Variants in KCNMB2 observed in about 807,000 individuals in gnomAD.
KCNMB2 encodes potassium calcium-activated channel subfamily M regulatory beta subunit 2.
A neutral mutation model predicts 24.5 loss-of-function variants in KCNMB2; 9 were observed. The observed-to-expected ratio is 0.37, with a 90% CI of 0.22 to 0.64. KCNMB2 has a LOEUF of 0.64. KCNMB2 is among the 30% of genes least tolerant of loss of function. The probability of loss-of-function intolerance (pLI) is 0.63; values close to 1 mark genes in which losing one functional copy is unlikely to be tolerated. For missense variants in KCNMB2, 226 were observed against 284.3 expected, an observed-to-expected ratio of 0.79 and a Z score of 1.47; for synonymous variants, 109 against 104.4, an observed-to-expected ratio of 1.04 and a Z score of -0.27.
chr3:178,610,093 T>C (rs1718428222), intron 1 of KCNMB2, among the ~76,000 whole-genome samples: 1 of 152,208 alleles, frequency 6.6e-6, no homozygotes, highest in South Asian at 2.1e-4. Flanking sequence ...TGTAGGTGTG[T>C]GGATTTGTTT....
At chr3:178,678,677 T>A (rs1364422254) in intron 1 of KCNMB2, among the ~76,000 whole-genome samples, 1 of 152,188 alleles carries the variant, frequency 6.6e-6, no homozygotes, top group African/African-American at 2.4e-5. Flanking sequence ...GATGCTGCTG[T>A]ATCCAAAAGA....
chr3:178,791,704 T>A (rs1455703882), intron 1 of KCNMB2, among the ~76,000 whole-genome samples: 1 of 151,674 alleles, frequency 6.6e-6, no homozygotes, highest in Admixed American at 6.6e-5. Flanking sequence ...CTTCCAAAGG[T>A]TAGGAATAAA....
chr3:178,748,006 G>A (rs188818237), intron 1 of KCNMB2, among the ~76,000 whole-genome samples: 27 of 152,326 alleles, frequency 1.8e-4, no homozygotes, highest in Admixed American at 1.6e-3. Context: ...ATTCAGCAAC[G>A]AAGGTTTTTA....
intron 1 of KCNMB2, among the ~76,000 whole-genome samples, chr3:178,684,325 G>A (rs987500046): frequency 7.0e-5 from 8 of 114,696 alleles, no homozygotes; most frequent in African/African-American, 2.7e-4. Flanking sequence ...ACAAAACAGT[G>A]GTTGCCAGGG....
intron 1 of KCNMB2, among the ~76,000 whole-genome samples, chr3:178,728,371 T>C (rs1050045123): frequency 1.3e-5 from 2 of 152,068 alleles, no homozygotes; most frequent in African/African-American, 4.8e-5. Flanking sequence ...TTGGGAAACA[T>C]GATGGGCCAA....
chr3:178,744,401 G>T (rs1271216698), intron 1 of KCNMB2, among the ~76,000 whole-genome samples: 1 of 152,198 alleles, frequency 6.6e-6, no homozygotes, highest in Non-Finnish European at 1.5e-5. Context: ...GTCATTGAAA[G>T]AAATAGTTAT....
intron 2 of KCNMB2, among the ~76,000 whole-genome samples, chr3:178,810,290 C>G (rs1463982947): frequency 4.6e-5 from 7 of 152,190 alleles, no homozygotes; most frequent in Non-Finnish European, 1.0e-4. Context: ...GTTCTGCAAA[C>G]CTGGCCTCTG....
chr3:178,679,348 A>C (rs1158302759), intron 1 of KCNMB2, among the ~76,000 whole-genome samples: 2 of 152,136 alleles, frequency 1.3e-5, no homozygotes, highest in Non-Finnish European at 2.9e-5. Flanking sequence ...ATCCTGCCTC[A>C]GCCTTCTGAG....
At chr3:178,754,177 T>TATAC (rs1435109631) in intron 1 of KCNMB2, among the ~76,000 whole-genome samples, 1,354 of 117,074 alleles carry the variant, frequency 0.012, 12 homozygotes, top group East Asian at 0.045. Flanking sequence ...TATATATATA[T>TATAC]ACACACACAC....
chr3:178,655,018 A>G (rs1577075414), intron 1 of KCNMB2, among the ~76,000 whole-genome samples: 1 of 152,098 alleles, frequency 6.6e-6, no homozygotes, highest in Non-Finnish European at 1.5e-5. Flanking sequence ...TACCTCAGAG[A>G]GCAGTCATGA....
intron 2 of KCNMB2, among the ~76,000 whole-genome samples, chr3:178,816,758 C>G (rs572959043): frequency 6.6e-6 from 1 of 152,136 alleles, no homozygotes; most frequent in South Asian, 2.1e-4. Flanking sequence ...TATGGTTTTA[C>G]TTTCTTCTGT....
intron 1 of KCNMB2, among the ~76,000 whole-genome samples, chr3:178,649,476 G>C (rs1181880518): frequency 2.7e-5 from 4 of 149,074 alleles, no homozygotes; most frequent in Non-Finnish European, 5.9e-5. Flanking sequence ...GGTAGAATTC[G>C]GCTGTGAACC....
At chr3:178,672,008 C>A (rs1183021406) in intron 1 of KCNMB2, among the ~76,000 whole-genome samples, 3 of 152,108 alleles carry the variant, frequency 2.0e-5, no homozygotes, top group Non-Finnish European at 4.4e-5. Context: ...ATTCTTTCAT[C>A]ATCTCTCACT....
intron 1 of KCNMB2, among the ~76,000 whole-genome samples, chr3:178,548,066 A>G (rs189607736): frequency 6.6e-6 from 1 of 152,344 alleles, no homozygotes; most frequent in South Asian, 2.1e-4. Flanking sequence ...ACAGACAAAT[A>G]AAGTCCCTTT....
chr3:178,618,930 A>C (rs1718811106), intron 1 of KCNMB2, among the ~76,000 whole-genome samples: 1 of 152,232 alleles, frequency 6.6e-6, no homozygotes, highest in South Asian at 2.1e-4. Context: ...AAGATAAAAA[A>C]ATTGGGACTA....
At chr3:178,776,152 CCATCCACT>C (rs527802887) in intron 1 of KCNMB2, among the ~76,000 whole-genome samples, 158 of 152,314 alleles carry the variant, frequency 1.0e-3, no homozygotes, top group African/African-American at 3.6e-3. Context: ...CCCAACAACT[CCATCCACT>C]CATCCACTCA....
At chr3:178,542,932 T>G (rs1057305313) in intron 1 of KCNMB2, among the ~76,000 whole-genome samples, 1 of 152,194 alleles carries the variant, frequency 6.6e-6, no homozygotes, top group Admixed American at 6.5e-5. Context: ...ATATTATTCA[T>G]GGGGTCACAA....
chr3:178,677,607 C>T (rs1323695749), intron 1 of KCNMB2, among the ~76,000 whole-genome samples: 4 of 152,198 alleles, frequency 2.6e-5, no homozygotes, highest in Non-Finnish European at 1.5e-5. Flanking sequence ...AAACCCCTGG[C>T]CTGTCGTCTG....
At chr3:178,684,508 C>CA (rs970834603) in intron 1 of KCNMB2, among the ~76,000 whole-genome samples, 118 of 151,608 alleles carry the variant, frequency 7.8e-4, no homozygotes, top group African/African-American at 1.4e-3. Flanking sequence ...AAAACAAAAA[C>CA]AAAAAAAATG....
Sources: allele counts gnomAD v4.1 joint callset (sites outside exome capture counted in the v4.1 genomes callset), GRCh38; gene constraint gnomAD v4.1.1; transcripts MANE v1.5; gene names NCBI Gene and HGNC (gene_info 2026-07-23, HGNC 2026-07-21).